Variants in RBFOX1 observed in about 807,000 individuals in gnomAD.
RBFOX1 encodes the protein RNA binding protein fox-1 homolog 1.
Under a neutral mutation model 57.7 loss-of-function variants are expected in RBFOX1, and 8 were observed. The observed-to-expected ratio is 0.14, with a 90% confidence interval of 0.08 to 0.25. The LOEUF (loss-of-function observed/expected upper bound fraction) is 0.25. RBFOX1 is among the 10% of genes least tolerant of loss of function. RBFOX1 has a pLI of 1.00. For synonymous variants in RBFOX1, 326 were observed against 222.4 expected (o/e 1.47, Z -4.15); for missense variants, 611 against 548.5 (o/e 1.11, Z -1.14).
chr16:7,587,943 T>G (rs1245079719), intron 7 of RBFOX1, among the ~76,000 whole-genome samples: 2 of 152,198 alleles, frequency 1.3e-5, no homozygotes, highest in East Asian at 3.9e-4. Context: ...TCCCAGCACT[T>G]TGAGGTGGGT....
intron 4 of RBFOX1, among the ~76,000 whole-genome samples, chr16:7,188,789 G>C (rs1420850256): frequency 6.6e-6 from 1 of 152,142 alleles, no homozygotes; most frequent in Admixed American, 6.5e-5. Flanking sequence ...GCTGGTATAG[G>C]GCATGCTACG....
intron 4 of RBFOX1, among the ~76,000 whole-genome samples, chr16:5,910,627 G>C (rs1246665980): frequency 2.6e-5 from 4 of 152,156 alleles, no homozygotes; most frequent in Non-Finnish European, 5.9e-5. Context: ...TGTCCGGAGT[G>C]GCTTTTTGGT....
At chr16:6,494,352 A>T (rs549091597) in intron 2 of RBFOX1, among the ~76,000 whole-genome samples, 130 of 152,188 alleles carry the variant, frequency 8.5e-4, no homozygotes, top group African/African-American at 3.0e-3. Context: ...CATTTGTATA[A>T]CCACAGCTAT....
At chr16:7,504,598 T>C (rs955527681) in intron 4 of RBFOX1, among the ~76,000 whole-genome samples, 1 of 148,622 alleles carries the variant, frequency 6.7e-6, no homozygotes, top group Non-Finnish European at 1.5e-5. Context: ...GACTTAGATA[T>C]GAGGTCTGGA....
In RBFOX1 at chr16:5,927,503, G is replaced by A. The variant is rs141486170; in HGVS notation, c.351+60168G>A. Among the ~76,000 whole-genome samples, 170 of 152,334 alleles carry A rather than the reference G, an allele frequency of 1.1e-3. 1 individual carries two copies. Among genetic ancestry groups the A allele is most frequent in the Middle Eastern group, 3.4e-3 (1 of 294 alleles). ...ACGCTTGTACACTGCTAGTGGGAAT[G>A]TAAATTAGTACAGCTATGATGGAAA... is the stretch of plus-strand genomic sequence containing the variant. On this transcript the variant is annotated intron_variant, in intron 4 of 19. Transcript: ENST00000641259.
chr16:6,005,267 G>A (rs946519309), intron 4 of RBFOX1, among the ~76,000 whole-genome samples: 3 of 152,206 alleles, frequency 2.0e-5, no homozygotes, highest in Non-Finnish European at 4.4e-5. Context: ...AGCCATTTAA[G>A]GAATGATCAC....
intron 14 of RBFOX1, among the ~76,000 whole-genome samples, chr16:7,702,622 C>T (rs766151197): frequency 6.6e-5 from 10 of 152,174 alleles, no homozygotes; most frequent in African/African-American, 2.2e-4. Context: ...AAGCCATGCG[C>T]CCTCCCCTTC....
chr16:7,225,486 T>C (rs1052905178), intron 4 of RBFOX1, among the ~76,000 whole-genome samples: 2 of 152,026 alleles, frequency 1.3e-5, no homozygotes, highest in Non-Finnish European at 2.9e-5. Flanking sequence ...CCCAGCCACG[T>C]ATAACTGTAA....
intron 4 of RBFOX1, among the ~76,000 whole-genome samples, chr16:7,322,029 A>C (rs1179066251): frequency 6.6e-6 from 1 of 152,226 alleles, no homozygotes; most frequent in Non-Finnish European, 1.5e-5. Flanking sequence ...ATAGTCTCTG[A>C]AAACACAGTT....
At chr16:6,660,147 C>T (rs2098691851) in intron 3 of RBFOX1, among the ~76,000 whole-genome samples, 1 of 151,668 alleles carries the variant, frequency 6.6e-6, no homozygotes, top group South Asian at 2.1e-4. Flanking sequence ...TTGCTTGAAC[C>T]TGGGAGGCAG....
chr16:6,515,086 G>T (rs1052267255), intron 2 of RBFOX1, among the ~76,000 whole-genome samples: 3 of 152,180 alleles, frequency 2.0e-5, no homozygotes, highest in Admixed American at 2.0e-4. Flanking sequence ...AGGAAGGAAA[G>T]GAGAGAAGGA....
intron 3 of RBFOX1, among the ~76,000 whole-genome samples, chr16:5,792,342 G>C (rs1203728982): frequency 1.3e-5 from 2 of 152,122 alleles, no homozygotes; most frequent in Non-Finnish European, 2.9e-5. Context: ...GTTGACTCCT[G>C]CACAACATGA....
chr16:5,973,138 G>T (rs146742404), intron 4 of RBFOX1, among the ~76,000 whole-genome samples: 169 of 152,296 alleles, frequency 1.1e-3, no homozygotes, highest in African/African-American at 4.0e-3. Context: ...TCTACCTTAT[G>T]ATATTGGTAA....
chr16:7,679,551 C>T (rs2074221917), intron 14 of RBFOX1, among the ~76,000 whole-genome samples: 1 of 152,186 alleles, frequency 6.6e-6, no homozygotes, highest in Non-Finnish European at 1.5e-5. Flanking sequence ...GAGATTCACT[C>T]TTCAGACATC....
chr16:5,700,327 G>A (rs1180563321), intron 3 of RBFOX1, among the ~76,000 whole-genome samples: 1 of 151,988 alleles, frequency 6.6e-6, no homozygotes, highest in South Asian at 2.1e-4. Context: ...GGGTGGTAAT[G>A]TGTCCTGGTC....
chr16:5,528,155 C>T (rs971790671), intron 2 of RBFOX1, among the ~76,000 whole-genome samples: 3 of 152,134 alleles, frequency 2.0e-5, no homozygotes, highest in African/African-American at 7.2e-5. Flanking sequence ...CCCAGGGCTG[C>T]ACTTCTGGGT....
At chr16:6,828,871 C>G (rs1184817850) in intron 3 of RBFOX1, among the ~76,000 whole-genome samples, 1 of 152,146 alleles carries the variant, frequency 6.6e-6, no homozygotes, top group African/African-American at 2.4e-5. Context: ...TATTCCACCC[C>G]TTGGCTAAAG....
chr16:5,636,301 T>C (rs1215855669), intron 3 of RBFOX1, among the ~76,000 whole-genome samples: 1 of 152,168 alleles, frequency 6.6e-6, no homozygotes, highest in Non-Finnish European at 1.5e-5. Flanking sequence ...TGAGCCAAGA[T>C]TGCGCCATTT....
intron 1 of RBFOX1, among the ~76,000 whole-genome samples, chr16:5,248,927 G>T (rs2062373086): frequency 7.2e-6 from 1 of 138,830 alleles, no homozygotes; most frequent in South Asian, 2.4e-4. Context: ...GGTGGAGGTT[G>T]CAGTGAGCTG....
Sources: gnomAD v4.1 joint callset for allele counts (sites outside exome capture counted in the v4.1 genomes callset) on GRCh38, gnomAD v4.1.1 for gene constraint, MANE v1.5 for transcripts, NCBI Gene and HGNC (gene_info 2026-07-23, HGNC 2026-07-21) for gene names.